The following GPER1 variants were observed in gnomAD, a reference collection of about 807,000 sequenced individuals.
GPER1 encodes G protein-coupled estrogen receptor 1, also known as G protein-coupled receptor 30.
GPER1 carries 2 observed loss-of-function variants against 0.6 expected under a neutral mutation model. That is an observed-to-expected ratio of 3.41 (90% CI 1.39 to 10.72). The LOEUF (loss-of-function observed/expected upper bound fraction) is 10.72. Among genes scored for constraint, GPER1 ranks in the 30% most tolerant of loss-of-function variants. The pLI is 0.04. For missense variants in GPER1, 441 were observed against 535.2 expected (o/e 0.82, Z 1.74); for synonymous variants, 263 against 247.6 (o/e 1.06, Z -0.58).
At chr7:1,087,444 AC>A (rs1367334976), upstream of GPER1, among the ~76,000 whole-genome samples, 1 of 152,258 alleles carries the variant, frequency 6.6e-6, no homozygotes, top group African/African-American at 2.4e-5. Context: ...TGTGTTTCAT[AC>A]ACACCTTATA....
chr7:1,090,066 C>CAAA (rs59249705), intron 1 of GPER1, among the ~76,000 whole-genome samples: 1 of 135,102 alleles, frequency 7.4e-6, no homozygotes, highest in African/African-American at 2.7e-5. Flanking sequence ...CCTGGGTGAC[C>CAAA]AAAAAAAAAA....
intron 1 of GPER1, among the ~76,000 whole-genome samples, chr7:1,089,776 G>A (rs1280218985): frequency 1.5e-5 from 2 of 134,858 alleles, no homozygotes; most frequent in Non-Finnish European, 3.1e-5. Flanking sequence ...GTCTGGTTTT[G>A]CAGCACTTCA....
rs758456215 is a variant in GPER1, at chr7:1,092,301, G to A, written c.573G>A (p.Val191=). 6.2e-7 allele frequency: 1 copy of A among 1,611,648 alleles called. No individual in the cohort carries two copies. The highest frequency in any genetic ancestry group is 2.2e-5 in the East Asian group (1 of 44,864). Residue 191 remains valine (V), a synonymous_variant, in exon 2 of 2, where the codon GTG becomes GTA. Coordinates refer to ENST00000397088, the MANE Select transcript of GPER1 (RefSeq NM_001098201.3). ...IWMASVSATL[V]PFTAVHLQHT... is the part of the protein sequence containing the mutation. Reference sequence around the variant, plus strand: ...TGGCATCCGTGTCAGCCACGCTGGTGCCCTTCACCGCCGTGCACCTGCAGC... The same window carrying A: ...TGGCATCCGTGTCAGCCACGCTGGTACCCTTCACCGCCGTGCACCTGCAGC...
At position 1,092,375 on chromosome 7, in the gene GPER1, G is replaced by A; in HGVS notation, c.647G>A (p.Trp216Ter). 6.3e-7 allele frequency: 1 copy of A among 1,585,292 alleles called. No homozygotes were observed. The highest frequency in any genetic ancestry group is 8.6e-7 in the Non-Finnish European group (1 of 1,168,494). Residue 216 changes from tryptophan (W) to a stop codon, truncating the protein, a stop_gained, in exon 2 of 2, where the codon TGG becomes TAG. Coordinates refer to ENST00000397088, the MANE Select transcript of GPER1 (RefSeq NM_001098201.3). LOFTEE classifies it high-confidence loss of function. ...TTCGCGGATGTCCGGGAGGTGCAGT[G>A]GCTCGAGGTCACGCTGGGCTTCATC... is the stretch of plus-strand genomic sequence containing the variant. ...FCFADVREVQWLEVTLGFIVP... is the reference protein window; with the variant it reads ...FCFADVREVQ
chr7:1,088,025 A>C (rs549783618), upstream of GPER1: 1 of 152,456 alleles, frequency 6.6e-6, no homozygotes, highest in South Asian at 2.1e-4. The surrounding 1 kb of genome is among the most constrained non-coding windows in gnomAD (Gnocchi z 4.5). Flanking sequence ...TAGCCTTCTG[A>C]GGAGGCCGCC....
chr7:1,087,463 C>G (rs1787503097), upstream of GPER1, among the ~76,000 whole-genome samples: 1 of 152,226 alleles, frequency 6.6e-6, no homozygotes, highest in African/African-American at 2.4e-5. Context: ...ATACACACTG[C>G]CTGAAGGCAA....
rs768818557 is a variant in GPER1 at position 1,092,115 on chromosome 7, G to C, written c.387G>C (p.Leu129=). ...LHERYYDIAV[L]CTFMSLFLQV... is the part of the protein sequence containing the mutation. Reference sequence around the variant, plus strand: ...AGCGGTACTACGACATCGCCGTCCTGTGCACCTTCATGTCGCTCTTCCTGC... The same window carrying C: ...AGCGGTACTACGACATCGCCGTCCTCTGCACCTTCATGTCGCTCTTCCTGC... The change falls in exon 2 of 2, where the codon CTG becomes CTC. Residue 129 remains leucine (L), a synonymous_variant. Transcript: ENST00000397088. The C allele has an allele frequency of 6.2e-7, 1 of 1,613,730 alleles. No homozygotes were observed. The highest frequency in any genetic ancestry group is 1.1e-5 in the South Asian group (1 of 91,080).
In GPER1 at chr7:1,088,273, G is replaced by A. The variant is rs1256137847; in HGVS notation, c.-371G>A. 6.6e-6 allele frequency: 1 copy of A among 152,346 alleles called. No individual in the cohort carries two copies. The highest frequency in any genetic ancestry group is 1.9e-4 in the East Asian group (1 of 5,194). 9.4% of individuals were successfully genotyped at this position (152,346 alleles called of 1,614,324 possible). A position where few individuals can be genotyped will look rare whatever the true frequency, so the allele number is the denominator to read the frequency against. On this transcript the variant is annotated 5_prime_UTR_variant, in exon 1 of 2. It removes an upstream start codon present in the reference 5' UTR. Coordinates refer to ENST00000397088, the MANE Select transcript of GPER1 (RefSeq NM_001098201.3). The surrounding 1 kb of genome is among the most constrained non-coding windows in gnomAD (Gnocchi z 4.5). ...GTTCCAAGTGCACCTCCAGCCTGAT[G>A]GGCCTGACCAAGGAGGCTTCCAGGA... is the stretch of plus-strand genomic sequence containing the variant.
rs1054617202 is a variant in GPER1, at chr7:1,088,504, G to A, written c.-323+183G>A. On this transcript the variant is annotated intron_variant, in intron 1 of 1. Transcript: ENST00000397088. This position sits in a 1 kb window ranked among gnomAD's most constrained non-coding sequence, Gnocchi z 4.5. ...ACAGACCCCTCTCCCCCGGAGCTCC[G>A]GTGGTCTCAGCGTGACCGCAGCAGG... Among the ~76,000 whole-genome samples, 11 of 152,304 alleles carry A rather than the reference G, an allele frequency of 7.2e-5. No homozygotes were observed. In the East Asian group the frequency reaches 1.4e-3, roughly 19 times the overall value.
rs1357657289 is a variant in GPER1, at chr7:1,092,373, G to A, written c.645G>A (p.Gln215=). 1 of 1,582,228 alleles carries A rather than the reference G, an allele frequency of 6.3e-7. No individual in the cohort carries two copies. The highest frequency in any genetic ancestry group is 1.3e-5 in the African/African-American group (1 of 74,104). The change falls in exon 2 of 2, where the codon CAG becomes CAA. Residue 215 remains glutamine, a synonymous_variant. Transcript: ENST00000397088. The part of the protein sequence containing the change: ...CFCFADVREV[Q]WLEVTLGFIV... ...GTTTCGCGGATGTCCGGGAGGTGCA[G>A]TGGCTCGAGGTCACGCTGGGCTTCA...
At chr7:1,087,127 G>C (rs901797660), upstream of GPER1, 6 of 152,254 alleles carry the variant, frequency 3.9e-5, no homozygotes, top group African/African-American at 1.4e-4. Flanking sequence ...CAGTTCAGCG[G>C]CCCCGAGAGT....
chr7:1,091,643 C>A lies in GPER1; in HGVS notation c.-86C>A, dbSNP rs1488400729. ...GCCAGGCTCACTTCAAGGAGAATCACGCTTCTTTCTAAAGATGGATTCACC... is the reference window on the plus strand; with the variant it reads ...GCCAGGCTCACTTCAAGGAGAATCAAGCTTCTTTCTAAAGATGGATTCACC... On this transcript the variant is annotated 5_prime_UTR_variant, in exon 2 of 2. Coordinates refer to ENST00000397088, the MANE Select transcript of GPER1 (RefSeq NM_001098201.3). The A allele has an allele frequency of 9.9e-7, 1 of 1,009,824 alleles. No individual in the cohort carries two copies. Among genetic ancestry groups the A allele is most frequent in the Non-Finnish European group, 1.5e-6 (1 of 675,154 alleles). 62.6% of individuals were successfully genotyped at this position (1,009,824 alleles called of 1,614,324 possible). A position where few individuals can be genotyped will look rare whatever the true frequency, so the allele number is the denominator to read the frequency against.
chr7:1,089,474 A>T (rs1787720979), intron 1 of GPER1, among the ~76,000 whole-genome samples: 1 of 19,886 alleles, frequency 5.0e-5, no homozygotes. Context: ...GCTCGAGTGC[A>T]GTGGTGTGAT....
chr7:1,092,748 G>A lies in GPER1; in HGVS notation c.1020G>A (p.Glu340=), dbSNP rs1788139375. Reference sequence around the variant, plus strand: ...GGGACAAGCTGAGGCTGTACATTGAGCAGAAAACAAATTTGCCGGCCCTGA... The same window carrying A: ...GGGACAAGCTGAGGCTGTACATTGAACAGAAAACAAATTTGCCGGCCCTGA... ...TFRDKLRLYI[E]QKTNLPALNR... is the part of the protein sequence containing the mutation. Residue 340 remains glutamate (E), a synonymous_variant, in exon 2 of 2, where the codon GAG becomes GAA. Transcript: ENST00000397088. 6.2e-7 allele frequency: 1 copy of A among 1,613,668 alleles called. No homozygotes were observed. The highest frequency in any genetic ancestry group is 1.1e-5 in the South Asian group (1 of 91,078).
chr7:1,091,037 A>G (rs1428193597), intron 1 of GPER1, among the ~76,000 whole-genome samples: 2 of 151,690 alleles, frequency 1.3e-5, no homozygotes, highest in African/African-American at 4.9e-5. Flanking sequence ...GCTGAAATGC[A>G]TTTTCCCCTC....
chr7:1,089,054 C>T (rs554153760), intron 1 of GPER1, among the ~76,000 whole-genome samples: 1 of 152,180 alleles, frequency 6.6e-6, no homozygotes, highest in Non-Finnish European at 1.5e-5. Flanking sequence ...GAGGGTTCTG[C>T]CCACCTTTAA....
At chr7:1,088,028 A>C (rs570002983), upstream of GPER1, 9 of 152,490 alleles carry the variant, frequency 5.9e-5, no homozygotes, top group African/African-American at 2.2e-4. This position sits in a 1 kb window ranked among gnomAD's most constrained non-coding sequence, Gnocchi z 4.5. Flanking sequence ...CCTTCTGAGG[A>C]GGCCGCCCAG....
In GPER1 at chr7:1,093,538, C is replaced by T. The variant is rs753550268; in HGVS notation, c.*682C>T. On this transcript the variant is annotated 3_prime_UTR_variant, in exon 2 of 2. Transcript: ENST00000397088. ...CAGGAAGGCCCCTCTGTGGAGCGCC[C>T]GCCGTCTGCTCCGGGGTGGTTCAGT... 1.5e-5 allele frequency: 7 copies of T among 470,902 alleles called. No individual in the cohort carries two copies. Among genetic ancestry groups the T allele is most frequent in the Admixed American group, 2.3e-5 (1 of 42,570 alleles). The allele number at this position is 470,902 out of a possible 1,614,324, so 29.2% of individuals were successfully genotyped here. A position where few individuals can be genotyped will look rare whatever the true frequency, so the allele number is the denominator to read the frequency against.
rs982024481 is a variant in GPER1, at chr7:1,088,259, A to G, written c.-385A>G. On this transcript the variant is annotated 5_prime_UTR_variant, in exon 1 of 2. Transcript: ENST00000397088. This position sits in a 1 kb window ranked among gnomAD's most constrained non-coding sequence, Gnocchi z 4.5. Reference sequence around the variant, plus strand: ...ACCTCCTGCAGCGGGTTCCAAGTGCACCTCCAGCCTGATGGGCCTGACCAA... The same window carrying G: ...ACCTCCTGCAGCGGGTTCCAAGTGCGCCTCCAGCCTGATGGGCCTGACCAA... 1 of 152,192 alleles carries G rather than the reference A, an allele frequency of 6.6e-6. No homozygotes were observed. 9.4% of individuals were successfully genotyped at this position (152,192 alleles called of 1,614,324 possible). A position where few individuals can be genotyped will look rare whatever the true frequency, so the allele number is the denominator to read the frequency against.
Sources: gnomAD v4.1 joint callset for allele counts (sites outside exome capture counted in the v4.1 genomes callset) on GRCh38, gnomAD v4.1.1 for gene constraint, Gnocchi (gnomAD v3.1) non-coding constraint, MANE v1.5 for transcripts, NCBI Gene and HGNC (gene_info 2026-07-23, HGNC 2026-07-21) for gene names.